The following AGBL4 variants were observed in gnomAD, a reference collection of about 807,000 sequenced individuals.
The protein encoded by AGBL4 is AGBL carboxypeptidase 4.
AGBL4 carries 58 observed loss-of-function variants against 66.4 expected under a neutral mutation model. The ratio of observed to expected loss-of-function variants is 0.87; its 90% CI spans 0.71 to 1.09. AGBL4 has a LOEUF of 1.09. Ranked by LOEUF, AGBL4 falls within the 50% of genes least tolerant of loss-of-function variation. The pLI is 0.00. For missense variants in AGBL4, 579 were observed against 631.0 expected (o/e 0.92, Z 0.88); for synonymous variants, 234 against 222.9 (o/e 1.05, Z -0.44).
intron 3 of AGBL4, among the ~76,000 whole-genome samples, chr1:49,637,744 A>G (rs1645704932): frequency 6.6e-6 from 1 of 152,170 alleles, no homozygotes. Context: ...CCTAATAGCA[A>G]CAAATTAAAA....
chr1:48,942,723 AT>A (rs1656113320), intron 5 of AGBL4, among the ~76,000 whole-genome samples: 1 of 152,164 alleles, frequency 6.6e-6, no homozygotes, highest in Admixed American at 6.5e-5. Flanking sequence ...TGAGAAAAAA[AT>A]TAGGGCTTAT....
rs185883296 is a variant in AGBL4, at chr1:49,455,606, T to C, written c.283-209742A>G. 3.6e-4 allele frequency among the ~76,000 whole-genome samples: 54 copies of C among 151,816 alleles called. 1 individual carries two copies. The South Asian group carries it at 9.8e-3, about 27-fold the overall frequency. On this transcript the variant is annotated intron_variant, in intron 3 of 13. Coordinates refer to ENST00000371839, the MANE Select transcript of AGBL4 (RefSeq NM_032785.4). ...ATAGAATGCTGAAACAGTCCCCAAA[T>C]TGACCTCTCTATGCTACTGTTGTCC...
chr1:49,971,765 G>A lies in AGBL4; in HGVS notation c.34+51998C>T, dbSNP rs543081396. On this transcript the variant is annotated intron_variant, in intron 1 of 13. Transcript: ENST00000371839. Reference sequence around the variant, plus strand: ...TGATGGCAACATGTGGCATCAGAAAGTACTAAGCCTATATGAAGACTTCAC... The same window carrying A: ...TGATGGCAACATGTGGCATCAGAAAATACTAAGCCTATATGAAGACTTCAC... 1.1e-4 allele frequency among the ~76,000 whole-genome samples: 17 copies of A among 152,000 alleles called. No homozygotes were observed. The East Asian group carries it at 2.3e-3, about 21-fold the overall frequency.
chr1:48,850,547 C>T (rs1647011611), intron 6 of AGBL4, among the ~76,000 whole-genome samples: 1 of 152,078 alleles, frequency 6.6e-6, no homozygotes, highest in Non-Finnish European at 1.5e-5. Context: ...TGTTTTTAGC[C>T]TAGGTCTCAC....
At chr1:49,186,566 C>T (rs560007427) in intron 4 of AGBL4, among the ~76,000 whole-genome samples, 6 of 152,180 alleles carry the variant, frequency 3.9e-5, no homozygotes, top group African/African-American at 4.8e-5. Flanking sequence ...TGACACATTG[C>T]GGGTTCAATA....
At chr1:48,776,875 G>C (rs1160754233) in intron 6 of AGBL4, 14 of 1,378,718 alleles carry the variant, frequency 1.0e-5, no homozygotes, top group African/African-American at 1.5e-5. Context: ...CTCAGCCCGC[G>C]GGGCGGGCGC....
intron 2 of AGBL4, among the ~76,000 whole-genome samples, chr1:49,840,231 A>T (rs922110264): frequency 2.6e-5 from 4 of 151,956 alleles, no homozygotes; most frequent in Non-Finnish European, 4.4e-5. Context: ...TTAACCATTT[A>T]CTCTGCACTT....
At chr1:49,647,621 G>A (rs892492167) in intron 3 of AGBL4, among the ~76,000 whole-genome samples, 1 of 152,070 alleles carries the variant, frequency 6.6e-6, no homozygotes, top group Non-Finnish European at 1.5e-5. Context: ...GGCAGGGGGA[G>A]GGTGAAATAA....
intron 11 of AGBL4, among the ~76,000 whole-genome samples, chr1:48,542,190 C>A (rs942631845): frequency 6.6e-6 from 1 of 152,168 alleles, no homozygotes; most frequent in African/African-American, 2.4e-5. Context: ...TTTATGGCTG[C>A]ATAATATTCC....
At chr1:49,709,238 T>A (rs1647445300) in intron 2 of AGBL4, among the ~76,000 whole-genome samples, 1 of 152,222 alleles carries the variant, frequency 6.6e-6, no homozygotes, top group Non-Finnish European at 1.5e-5. Context: ...GCTGCCTTTC[T>A]TTCAGAGATG....
At chr1:48,805,697 T>C (rs1214276247) in intron 6 of AGBL4, among the ~76,000 whole-genome samples, 4 of 152,186 alleles carry the variant, frequency 2.6e-5, no homozygotes, top group Non-Finnish European at 5.9e-5. Flanking sequence ...GAACCTCAGT[T>C]GCTTCCTTTG....
intron 2 of AGBL4, among the ~76,000 whole-genome samples, chr1:49,766,785 T>C (rs1652762295): frequency 6.6e-6 from 1 of 152,066 alleles, no homozygotes; most frequent in Admixed American, 6.6e-5. Context: ...GTCAGGTCAA[T>C]GTTCTTATAT....
intron 6 of AGBL4, among the ~76,000 whole-genome samples, chr1:48,721,301 C>T (rs1449062277): frequency 6.6e-6 from 1 of 152,170 alleles, no homozygotes; most frequent in African/African-American, 2.4e-5. Context: ...CTAAAGTCTC[C>T]AGAAATGATC....
At chr1:48,879,237 C>G (rs987644310) in intron 5 of AGBL4, among the ~76,000 whole-genome samples, 1 of 150,884 alleles carries the variant, frequency 6.6e-6, no homozygotes, top group Non-Finnish European at 1.5e-5. Flanking sequence ...TCTTGGATTT[C>G]CAGGGACACA....
chr1:49,864,516 G>A (rs903634091), intron 1 of AGBL4, among the ~76,000 whole-genome samples: 3 of 152,192 alleles, frequency 2.0e-5, no homozygotes, highest in African/African-American at 7.2e-5. Context: ...TGGTTGGCGC[G>A]AACCATGAAG....
chr1:49,970,651 G>A (rs377014968), intron 1 of AGBL4, among the ~76,000 whole-genome samples: 56 of 148,066 alleles, frequency 3.8e-4, no homozygotes, highest in African/African-American at 1.3e-3. Context: ...AGTGGAGATC[G>A]CACCATGGCA....
chr1:49,904,570 T>C (rs1476200655), intron 1 of AGBL4, among the ~76,000 whole-genome samples: 5 of 152,160 alleles, frequency 3.3e-5, no homozygotes, highest in African/African-American at 9.6e-5. Flanking sequence ...AAAACTCCAA[T>C]AGCATTTGTC....
rs576796142 is a variant in AGBL4, at chr1:49,542,011, T to C, written c.282+155302A>G. ...TTTGTAAACACACCAATCAGCACCCTGTGTCTAGCTCAAGGTTTGTAAATG... is the reference window on the plus strand; with the variant it reads ...TTTGTAAACACACCAATCAGCACCCCGTGTCTAGCTCAAGGTTTGTAAATG... On this transcript the variant is annotated intron_variant, in intron 3 of 13. Coordinates refer to ENST00000371839, the MANE Select transcript of AGBL4 (RefSeq NM_032785.4). Among the ~76,000 whole-genome samples, 4 of 152,316 alleles carry C rather than the reference T, an allele frequency of 2.6e-5. No individual in the cohort carries two copies. In the East Asian group the frequency reaches 7.7e-4, roughly 29 times the overall value.
At chr1:49,245,257 T>TACACACACACACACACAC (rs139244286) in intron 4 of AGBL4, among the ~76,000 whole-genome samples, 1 of 139,076 alleles carries the variant, frequency 7.2e-6, no homozygotes, top group African/African-American at 2.7e-5. Flanking sequence ...AACTTTAAAA[T>TACACACACACACACACAC]ACACACACAC....
Sources: gnomAD v4.1 joint callset for allele counts (sites outside exome capture counted in the v4.1 genomes callset) on GRCh38, gnomAD v4.1.1 for gene constraint, MANE v1.5 for transcripts, NCBI Gene and HGNC (gene_info 2026-07-23, HGNC 2026-07-21) for gene names.